SSBP2: variants seen among roughly 807,000 people sequenced by gnomAD.
SSBP2 encodes the protein single stranded DNA binding protein 2.
In SSBP2, 17 loss-of-function variants were observed where a neutral mutation model predicts 61.8. The ratio of observed to expected loss-of-function variants is 0.28; its 90% confidence interval spans 0.19 to 0.41. The LOEUF (loss-of-function observed/expected upper bound fraction) is 0.41, where lower values mean the gene tolerates loss of function less well. SSBP2 is among the 10% of genes least tolerant of loss of function. The pLI, the probability that SSBP2 is intolerant of heterozygous loss-of-function variation, is 1.00. For missense variants in SSBP2, 310 were observed against 458.7 expected, an observed-to-expected ratio of 0.68 and a Z score of 2.96; for synonymous variants, 139 against 141.3, an observed-to-expected ratio of 0.98 and a Z score of 0.12.
At chr5:81,724,659 CAAATATA>C (rs1477819984) in intron 1 of SSBP2, among the ~76,000 whole-genome samples, 1 of 151,898 alleles carries the variant, frequency 6.6e-6, no homozygotes, top group African/African-American at 2.4e-5. Flanking sequence ...ATTACAGACC[CAAATATA>C]AAATATAAAA....
intron 4 of SSBP2, among the ~76,000 whole-genome samples, chr5:81,609,382 T>C (rs1486266961): frequency 1.3e-5 from 2 of 152,198 alleles, no homozygotes; most frequent in African/African-American, 4.8e-5. Flanking sequence ...CAAAAGCCAG[T>C]GCACATTTGC....
chr5:81,636,625 T>C lies in SSBP2; in HGVS notation c.136-7A>G, dbSNP rs761855138. ...TGTTTTTTTCCCATCTTATCTAAAA[T>C]GAATAAAAGAGATATTACTTTCCTA... On this transcript the variant is annotated splice_region_variant and splice_polypyrimidine_tract_variant and intron_variant, in intron 2 of 16. Coordinates refer to ENST00000320672, the MANE Select transcript of SSBP2 (RefSeq NM_012446.5). 15 of 1,602,764 alleles carry C rather than the reference T, an allele frequency of 9.4e-6. No individual in the cohort carries two copies. The highest frequency in any genetic ancestry group is 3.4e-6 in the Non-Finnish European group (4 of 1,172,066).
At chr5:81,706,080 C>T (rs1289437340) in intron 1 of SSBP2, among the ~76,000 whole-genome samples, 1 of 152,092 alleles carries the variant, frequency 6.6e-6, no homozygotes, top group Non-Finnish European at 1.5e-5. Context: ...GTAGCAAAGA[C>T]ATGGAATCAA....
intron 1 of SSBP2, among the ~76,000 whole-genome samples, chr5:81,682,146 TTAGAG>T (rs1752434130): frequency 6.6e-6 from 1 of 152,072 alleles, no homozygotes; most frequent in Non-Finnish European, 1.5e-5. Context: ...AAGGAAGAAA[TTAGAG>T]TAATTTTCTA....
At chr5:81,690,722 A>T (rs908416979) in intron 1 of SSBP2, among the ~76,000 whole-genome samples, 18 of 152,146 alleles carry the variant, frequency 1.2e-4, no homozygotes, top group Non-Finnish European at 5.9e-5. Flanking sequence ...GGCCAAATGG[A>T]CCTAATAGAT....
In SSBP2 at chr5:81,428,016, T is replaced by C. The variant is rs185622638; in HGVS notation, c.1056+569A>G. On this transcript the variant is annotated intron_variant, in intron 16 of 16. Transcript: ENST00000320672. ...CCTAGCATATTGCCTTGGCATGTGG[T>C]AAGTGCTCAGTAATTGCTTGTTAAA... Among the ~76,000 whole-genome samples the C allele has an allele frequency of 1.3e-4, 20 of 152,370 alleles. No homozygotes were observed. In the East Asian group the frequency reaches 3.7e-3, roughly 28 times the overall value.
intron 16 of SSBP2, among the ~76,000 whole-genome samples, chr5:81,424,595 C>T (rs1401831022): frequency 1.3e-5 from 2 of 152,120 alleles, no homozygotes; most frequent in African/African-American, 2.4e-5. Flanking sequence ...ATGCAACGTG[C>T]TATTTACACT....
chr5:81,716,069 A>G (rs1219679397), intron 1 of SSBP2, among the ~76,000 whole-genome samples: 1 of 151,736 alleles, frequency 6.6e-6, no homozygotes, highest in East Asian at 1.9e-4. Flanking sequence ...AAACAAAACA[A>G]CAACAACAAC....
intron 1 of SSBP2, among the ~76,000 whole-genome samples, chr5:81,689,871 CT>C: frequency 6.6e-6 from 1 of 152,054 alleles, no homozygotes; most frequent in South Asian, 2.1e-4. Flanking sequence ...AAAAGATAAA[CT>C]GATCAAAAAT....
chr5:81,605,549 A>G (rs952845234), intron 4 of SSBP2, among the ~76,000 whole-genome samples: 1 of 152,156 alleles, frequency 6.6e-6, no homozygotes, highest in Non-Finnish European at 1.5e-5. Context: ...CGTAAGAACT[A>G]TACATATGTT....
At chr5:81,599,043 G>T (rs1042652451) in intron 4 of SSBP2, among the ~76,000 whole-genome samples, 1 of 152,076 alleles carries the variant, frequency 6.6e-6, no homozygotes, top group African/African-American at 2.4e-5. Context: ...TTATAATTCT[G>T]GGAAAAGTAA....
intron 6 of SSBP2, among the ~76,000 whole-genome samples, chr5:81,479,856 TA>T (rs35870719): frequency 3.3e-5 from 5 of 152,196 alleles, no homozygotes; most frequent in African/African-American, 1.2e-4. Flanking sequence ...ATGCTATTTT[TA>T]AAAAGGTTTT....
At chr5:81,561,938 CTT>C (rs1311226425) in intron 4 of SSBP2, among the ~76,000 whole-genome samples, 3 of 152,134 alleles carry the variant, frequency 2.0e-5, no homozygotes, top group Non-Finnish European at 2.9e-5. Flanking sequence ...GAGTTTCACT[CTT>C]GTCACTCAGG....
At chr5:81,530,497 A>G (rs189496272) in intron 4 of SSBP2, among the ~76,000 whole-genome samples, 113 of 149,528 alleles carry the variant, frequency 7.6e-4, no homozygotes, top group African/African-American at 2.7e-3. Flanking sequence ...TTGTTACACA[A>G]CCCCATTTGT....
At chr5:81,578,411 G>A (rs1460750413) in intron 4 of SSBP2, among the ~76,000 whole-genome samples, 4 of 151,750 alleles carry the variant, frequency 2.6e-5, no homozygotes, top group African/African-American at 7.3e-5. Flanking sequence ...GACCTATTAC[G>A]TTAATTAGGA....
chr5:81,625,185 T>C (rs1227412889), intron 3 of SSBP2, among the ~76,000 whole-genome samples: 1 of 152,150 alleles, frequency 6.6e-6, no homozygotes, highest in African/African-American at 2.4e-5. Flanking sequence ...GAGGAAGAAG[T>C]AGGACTTTTA....
chr5:81,716,277 T>C (rs967957506), intron 1 of SSBP2, among the ~76,000 whole-genome samples: 1 of 152,178 alleles, frequency 6.6e-6, no homozygotes, highest in Non-Finnish European at 1.5e-5. Context: ...AGGGTAATAG[T>C]AGCCACTGTC....
At chr5:81,596,842 G>A (rs1743798939) in intron 4 of SSBP2, among the ~76,000 whole-genome samples, 1 of 146,900 alleles carries the variant, frequency 6.8e-6, no homozygotes, top group Non-Finnish European at 1.5e-5. Flanking sequence ...ATTAATTCAA[G>A]ATGGATTAAA....
At chr5:81,591,122 G>C (rs1775468292) in intron 4 of SSBP2, among the ~76,000 whole-genome samples, 2 of 152,180 alleles carry the variant, frequency 1.3e-5, no homozygotes, top group Admixed American at 1.3e-4. Flanking sequence ...AGCCGGAGTT[G>C]AAGGCAGACC....
Sources: allele counts gnomAD v4.1 joint callset (sites outside exome capture counted in the v4.1 genomes callset), GRCh38; gene constraint gnomAD v4.1.1; transcripts MANE v1.5; gene names NCBI Gene and HGNC (gene_info 2026-07-23, HGNC 2026-07-21).